Variants in MEGF6 observed in about 807,000 individuals in gnomAD.
The protein encoded by MEGF6 is multiple epidermal growth factor-like domains protein 6.
MEGF6 carries 184 observed loss-of-function variants against 207.1 expected under a neutral mutation model. That is an observed-to-expected ratio of 0.89 (90% CI 0.79 to 1.00). The LOEUF is 1.00. Among genes scored for constraint, MEGF6 ranks in the 50% least tolerant of loss-of-function variants. The pLI is 0.00. For synonymous variants in MEGF6, 1,038 were observed against 910.0 expected (o/e 1.14, Z -2.53); for missense variants, 2,282 against 2,202.9 (o/e 1.04, Z -0.72).
chr1:3,621,443 G>A, the MEGF6 span, among the ~76,000 whole-genome samples: 1 of 152,130 alleles, frequency 6.6e-6, no homozygotes, highest in Non-Finnish European at 1.5e-5. Context: ...GTTTTTTCTA[G>A]GTTATGATTG....
chr1:3,561,813 T>G (rs1643210277), intron 4 of MEGF6, among the ~76,000 whole-genome samples: 1 of 152,244 alleles, frequency 6.6e-6, no homozygotes, highest in Admixed American at 6.5e-5. Context: ...CTCTGCTTAC[T>G]CTGAAGTTAC....
intron 3 of MEGF6, among the ~76,000 whole-genome samples, chr1:3,585,917 G>A (rs552212498): frequency 4.9e-4 from 73 of 147,586 alleles, no homozygotes; most frequent in African/African-American, 1.8e-3. Flanking sequence ...GTGTGTGGGT[G>A]TGAGTGACAC....
At chr1:3,568,753 G>A (rs554913743) in intron 4 of MEGF6, among the ~76,000 whole-genome samples, 6 of 152,176 alleles carry the variant, frequency 3.9e-5, no homozygotes, top group African/African-American at 7.2e-5. Context: ...CGTGAGCACC[G>A]CAGGGGACAC....
At chr1:3,503,762 C>T (rs1335500898) in intron 17 of MEGF6, among the ~76,000 whole-genome samples, 4 of 123,398 alleles carry the variant, frequency 3.2e-5, no homozygotes, top group East Asian at 2.8e-4. Flanking sequence ...GGGTGGGGAG[C>T]GGGAGGAAGG....
intron 29 of MEGF6, 62 bp from the exon 30 acceptor site, chr1:3,496,080 G>A (rs41315292): frequency 0.036 from 53,173 of 1,459,664 alleles, 2,036 homozygotes; most frequent in African/African-American, 0.19. Flanking sequence ...GGTCAACCCC[G>A]GAGTGGGGAT....
chr1:3,578,118 G>A (rs1004000547), intron 4 of MEGF6, among the ~76,000 whole-genome samples: 17 of 152,096 alleles, frequency 1.1e-4, no homozygotes, highest in African/African-American at 3.6e-4. Flanking sequence ...CAGAGGACAC[G>A]GCCAGGAAAG....
At chr1:3,580,327 G>A (rs921538679) in intron 3 of MEGF6, among the ~76,000 whole-genome samples, 17 of 152,258 alleles carry the variant, frequency 1.1e-4, no homozygotes, top group African/African-American at 3.8e-4. Context: ...AGGGCCGGCT[G>A]AGGACCCCCC....
chr1:3,513,305 G>A (rs1297214334), intron 7 of MEGF6, among the ~76,000 whole-genome samples: 1 of 151,868 alleles, frequency 6.6e-6, no homozygotes, highest in Non-Finnish European at 1.5e-5. Flanking sequence ...TCAACCTCCT[G>A]GGCTCAAGTG....
chr1:3,578,535 C>G (rs1351947170), intron 4 of MEGF6, among the ~76,000 whole-genome samples: 2 of 128,224 alleles, frequency 1.6e-5, no homozygotes, highest in South Asian at 2.6e-4. Flanking sequence ...GGCAGGGGCC[C>G]TGGGGGGGGG....
intron 2 of MEGF6, among the ~76,000 whole-genome samples, chr1:3,600,406 G>C (rs1644138800): frequency 6.6e-6 from 1 of 152,194 alleles, no homozygotes; most frequent in Non-Finnish European, 1.5e-5. Flanking sequence ...AAGCACTGGG[G>C]GCTCGAGGGC....
In MEGF6 at chr1:3,598,037, G is replaced by C. The variant is rs149321897; in HGVS notation, c.267-2590C>G. Among the ~76,000 whole-genome samples, 134 of 152,326 alleles carry C rather than the reference G, an allele frequency of 8.8e-4. No homozygotes were observed. The South Asian group carries it at 0.014, about 16-fold the overall frequency. On this transcript the variant is annotated intron_variant, in intron 2 of 36. Coordinates refer to ENST00000356575, the MANE Select transcript of MEGF6 (RefSeq NM_001409.4). ...GAGAGACATAGAAAGAGAAATCGAA[G>C]GAGTAGAAGATGCGCCCGCCCCGGG...
Position 3,496,593 on chromosome 1 carries a change from G to C in MEGF6, c.3742+62C>G, listed in dbSNP as rs1243607337. On this transcript the variant is annotated intron_variant, in intron 29 of 36. Transcript: ENST00000356575. ...GTCGGGGGCCATCCTCCTGCAGGCT[G>C]GCTGGCCCTACCCTGGAGACACAGG... 5.2e-6 allele frequency: 8 copies of C among 1,548,458 alleles called. No individual in the cohort carries two copies. In the Admixed American group the frequency reaches 1.6e-4, roughly 30 times the overall value.
chr1:3,520,246 G>A (rs191271006), intron 5 of MEGF6, among the ~76,000 whole-genome samples: 66 of 152,338 alleles, frequency 4.3e-4, no homozygotes, highest in African/African-American at 1.4e-3. Context: ...CAGCCAGGCC[G>A]CCTCCGGGGT....
At chr1:3,529,633 CTGG>C (rs1388374330) in intron 4 of MEGF6, among the ~76,000 whole-genome samples, 1 of 152,236 alleles carries the variant, frequency 6.6e-6, no homozygotes, top group East Asian at 1.9e-4. Context: ...CCAACACGGG[CTGG>C]TTCACCAGGA....
At chr1:3,615,895 A>T (rs1241423154), upstream of MEGF6, among the ~76,000 whole-genome samples, 1 of 152,258 alleles carries the variant, frequency 6.6e-6, no homozygotes, top group Admixed American at 6.5e-5. Context: ...GCCTCTCCCC[A>T]GTAGACATAA....
chr1:3,579,838 G>A lies in MEGF6; in HGVS notation c.468C>T (p.Pro156=). 1 of 1,527,906 alleles carries A rather than the reference G, an allele frequency of 6.5e-7. No individual in the cohort carries two copies. The allele number at this position is 1,527,906 out of a possible 1,614,324, so 94.6% of individuals were successfully genotyped here. Residue 156 remains proline (P), a synonymous_variant, in exon 4 of 37, where the codon CCC becomes CCT. Coordinates refer to ENST00000356575, the MANE Select transcript of MEGF6 (RefSeq NM_001409.4). ...GGCTCCACTCACCATACTGACAGCG[G>A]GGTCCCTGGAAGCCGGGGGGACAGT... ...PCHCPPGFQG[P]RCQYDVDECR... is the part of the protein sequence containing the mutation.
At chr1:3,520,686 G>A (rs540248284) in intron 5 of MEGF6, among the ~76,000 whole-genome samples, 1 of 152,334 alleles carries the variant, frequency 6.6e-6, no homozygotes, top group Admixed American at 6.5e-5. Context: ...CACTCTCACA[G>A]TGTGGGAGCC....
rs1266970333 is a variant in MEGF6 at position 3,560,223 on chromosome 1, C to T, written c.481+19602G>A. On this transcript the variant is annotated intron_variant, in intron 4 of 36. Coordinates refer to ENST00000356575, the MANE Select transcript of MEGF6 (RefSeq NM_001409.4). This position sits in a 1 kb window ranked among gnomAD's most constrained non-coding sequence, Gnocchi z 4.0. ...TGGACAGAAAGTACAGAGTTTCCTT[C>T]TCCCAACACACATAATTTCCTGTAT... is the stretch of plus-strand genomic sequence containing the variant. 6.6e-6 allele frequency among the ~76,000 whole-genome samples: 1 copy of T among 151,962 alleles called. No individual in the cohort carries two copies. Among genetic ancestry groups the T allele is most frequent in the Non-Finnish European group, 1.5e-5 (1 of 67,984 alleles).
chr1:3,542,795 C>T (rs946813351), intron 4 of MEGF6, among the ~76,000 whole-genome samples: 13 of 152,328 alleles, frequency 8.5e-5, no homozygotes, highest in Non-Finnish European at 1.2e-4. Flanking sequence ...ACCTGGCCCT[C>T]GCTGACACCA....
Sources: allele counts gnomAD v4.1 joint callset (sites outside exome capture counted in the v4.1 genomes callset), GRCh38; gene constraint gnomAD v4.1.1; non-coding constraint Gnocchi (gnomAD v3.1); transcripts MANE v1.5; gene names NCBI Gene and HGNC (gene_info 2026-07-23, HGNC 2026-07-21).